KHDRBS2: variants seen among roughly 807,000 people sequenced by gnomAD.
KHDRBS2 encodes the protein KH RNA binding domain containing, signal transduction associated 2.
A neutral mutation model predicts 44.3 loss-of-function variants in KHDRBS2; 26 were observed. The observed-to-expected ratio is 0.59, with a 90% confidence interval of 0.43 to 0.81. The LOEUF (loss-of-function observed/expected upper bound fraction) is 0.81. KHDRBS2 is among the 40% of genes least tolerant of loss of function. The pLI is 0.00. For missense variants in KHDRBS2, 476 were observed against 433.1 expected, an observed-to-expected ratio of 1.10 and a Z score of -0.88; for synonymous variants, 194 against 151.1, an observed-to-expected ratio of 1.28 and a Z score of -2.08.
chr6:62,277,625 A>G (rs1175470306), intron 1 of KHDRBS2, among the ~76,000 whole-genome samples: 3 of 152,196 alleles, frequency 2.0e-5, no homozygotes, highest in African/African-American at 4.8e-5. Flanking sequence ...TACAAGCGTG[A>G]GCCACTGTGC....
intron 3 of KHDRBS2, among the ~76,000 whole-genome samples, chr6:61,985,200 T>C (rs537865967): frequency 6.6e-6 from 1 of 152,260 alleles, no homozygotes; most frequent in African/African-American, 2.4e-5. Flanking sequence ...CTTTACAGTC[T>C]AAAGAGAAAG....
chr6:62,108,140 C>A (rs208985), intron 2 of KHDRBS2, among the ~76,000 whole-genome samples: 26,322 of 151,906 alleles, frequency 0.17, 2,642 homozygotes, highest in African/African-American at 0.28. Flanking sequence ...AAGAAACTAC[C>A]ATCAGAGTGA....
intron 3 of KHDRBS2, among the ~76,000 whole-genome samples, chr6:62,034,662 G>A (rs1225978120): frequency 8.6e-6 from 1 of 115,886 alleles, no homozygotes; most frequent in Non-Finnish European, 1.7e-5. Context: ...TATAAGCCAT[G>A]ACAGACCCAT....
intron 2 of KHDRBS2, among the ~76,000 whole-genome samples, chr6:62,096,680 AT>A (rs1241136724): frequency 2.0e-5 from 3 of 151,602 alleles, no homozygotes; most frequent in Admixed American, 2.0e-4. Context: ...CATTTAATTG[AT>A]TTTTTTGTAT....
At chr6:61,551,250 T>C in the KHDRBS2 span, among the ~76,000 whole-genome samples, 2 of 152,326 alleles carry the variant, frequency 1.3e-5, no homozygotes, top group African/African-American at 4.8e-5. Flanking sequence ...AAGTTTCTTA[T>C]AAGTTTTGGT....
At chr6:61,904,228 G>T (rs1804570523) in intron 4 of KHDRBS2, among the ~76,000 whole-genome samples, 1 of 152,140 alleles carries the variant, frequency 6.6e-6, no homozygotes, top group Non-Finnish European at 1.5e-5. Context: ...CATATCTGGT[G>T]TCACTACAGT....
chr6:62,131,219 G>C (rs762511916), intron 2 of KHDRBS2, among the ~76,000 whole-genome samples: 38 of 152,154 alleles, frequency 2.5e-4, no homozygotes, highest in Non-Finnish European at 2.2e-4. Flanking sequence ...GTACTTTTGA[G>C]AATTGAGACT....
intron 4 of KHDRBS2, among the ~76,000 whole-genome samples, chr6:61,913,511 G>T (rs1806414408): frequency 6.6e-6 from 1 of 150,840 alleles, no homozygotes; most frequent in African/African-American, 2.4e-5. Context: ...TTAAATATAT[G>T]AATATTATAT....
chr6:61,881,499 C>T (rs547253520), intron 6 of KHDRBS2, among the ~76,000 whole-genome samples: 2 of 151,878 alleles, frequency 1.3e-5, no homozygotes, highest in South Asian at 4.1e-4. Context: ...GTGGGACACA[C>T]TGAAAGACCA....
At chr6:62,285,072 T>C (rs553678040) in intron 1 of KHDRBS2, among the ~76,000 whole-genome samples, 1 of 152,346 alleles carries the variant, frequency 6.6e-6, no homozygotes, top group African/African-American at 2.4e-5. Flanking sequence ...GATGGCATTA[T>C]TATAACATAA....
intron 1 of KHDRBS2, among the ~76,000 whole-genome samples, chr6:62,240,869 T>C (rs1834549874): frequency 6.6e-6 from 1 of 151,278 alleles, no homozygotes; most frequent in Non-Finnish European, 1.5e-5. Context: ...ACATATAGGG[T>C]CGTCTCACAA....
intron 3 of KHDRBS2, among the ~76,000 whole-genome samples, chr6:62,001,603 T>C (rs1335087702): frequency 1.3e-5 from 2 of 152,156 alleles, no homozygotes; most frequent in Non-Finnish European, 2.9e-5. Context: ...AACATTATTA[T>C]TTTAACAGCT....
At position 62,186,971 on chromosome 6, in the gene KHDRBS2, C is replaced by CA. The variant is rs768539632; in HGVS notation, c.92-9660dup. 1.3e-4 allele frequency among the ~76,000 whole-genome samples: 20 copies of CA among 151,262 alleles called. No individual in the cohort carries two copies. In the South Asian group the frequency reaches 2.5e-3, roughly 19 times the overall value. On this transcript the variant is annotated intron_variant, in intron 1 of 8. Coordinates refer to ENST00000281156, the MANE Select transcript of KHDRBS2 (RefSeq NM_152688.4). ...TAAATACACATAGATTTCAACACAA[C>CA]AAAAAAAAATTCAGGACACATATTT...
chr6:62,080,332 C>T (rs948127316), intron 2 of KHDRBS2, among the ~76,000 whole-genome samples: 12 of 151,902 alleles, frequency 7.9e-5, no homozygotes, highest in African/African-American at 2.7e-4. Context: ...TTACAGAGTG[C>T]CAAAATGGAG....
intron 2 of KHDRBS2, among the ~76,000 whole-genome samples, chr6:62,063,366 T>C (rs1792568576): frequency 1.3e-5 from 2 of 151,512 alleles, no homozygotes; most frequent in Non-Finnish European, 2.9e-5. Context: ...TGAACATTGA[T>C]GCAAAAATCC....
chr6:62,250,949 G>A (rs999035332), intron 1 of KHDRBS2, among the ~76,000 whole-genome samples: 21 of 152,050 alleles, frequency 1.4e-4, no homozygotes, highest in African/African-American at 4.8e-4. Context: ...GCTGGATGCT[G>A]TACTGAAGGA....
intron 1 of KHDRBS2, among the ~76,000 whole-genome samples, chr6:62,231,468 T>A (rs1832888841): frequency 6.6e-6 from 1 of 152,048 alleles, no homozygotes; most frequent in South Asian, 2.1e-4. Flanking sequence ...AACCCAATCA[T>A]CTCCCTCCCT....
At chr6:62,268,333 T>A (rs902303246) in intron 1 of KHDRBS2, among the ~76,000 whole-genome samples, 1 of 152,058 alleles carries the variant, frequency 6.6e-6, no homozygotes, top group African/African-American at 2.4e-5. Flanking sequence ...GATGAGTACA[T>A]ACATGCTTAC....
intron 2 of KHDRBS2, 136 bp downstream of exon 2, chr6:62,177,049 G>A (rs1433784435): frequency 4.2e-6 from 2 of 474,080 alleles, no homozygotes; most frequent in Admixed American, 4.0e-5. Context: ...CTTCCCCTAT[G>A]TCAGTATCAT....
Sources: allele counts gnomAD v4.1 joint callset (sites outside exome capture counted in the v4.1 genomes callset), GRCh38; gene constraint gnomAD v4.1.1; transcripts MANE v1.5; gene names NCBI Gene and HGNC (gene_info 2026-07-23, HGNC 2026-07-21).